The following KLF15 variants were observed in gnomAD, a reference collection of about 807,000 sequenced individuals.
KLF15 encodes Krueppel-like factor 15.
Under a neutral mutation model 24.6 loss-of-function variants are expected in KLF15, and 4 were observed. That is an observed-to-expected ratio of 0.16 (90% CI 0.08 to 0.37). The LOEUF is 0.37. KLF15 is among the 10% of genes least tolerant of loss of function. The pLI, the probability that KLF15 is intolerant of heterozygous loss-of-function variation, is 1.00. For missense variants in KLF15, 496 were observed against 560.6 expected, an observed-to-expected ratio of 0.88 and a Z score of 1.16; for synonymous variants, 246 against 236.3, an observed-to-expected ratio of 1.04 and a Z score of -0.37.
the KLF15 span, among the ~76,000 whole-genome samples, chr3:126,296,933 C>CT: frequency 2.0e-5 from 3 of 152,178 alleles, no homozygotes; most frequent in Admixed American, 2.0e-4. Flanking sequence ...TAGTAACTTT[C>CT]TTTTTTTCGT....
downstream of KLF15, among the ~76,000 whole-genome samples, chr3:126,341,961 G>T (rs530525614): frequency 1.2e-4 from 18 of 152,252 alleles, no homozygotes; most frequent in Admixed American, 3.3e-4. Context: ...TCCCTGTGGG[G>T]CTCATAGCCC....
chr3:126,338,189 G>A (rs949632567), downstream of KLF15, among the ~76,000 whole-genome samples: 65 of 152,184 alleles, frequency 4.3e-4, no homozygotes, highest in African/African-American at 1.5e-3. Context: ...GCTTGGGAAG[G>A]CTGGGAGAGG....
At chr3:126,346,109 C>G (rs1419875396) in intron 2 of KLF15, among the ~76,000 whole-genome samples, 1 of 152,204 alleles carries the variant, frequency 6.6e-6, no homozygotes, top group Non-Finnish European at 1.5e-5. Flanking sequence ...TGTCACAGGG[C>G]CCTGTGCCAG....
the KLF15 span, among the ~76,000 whole-genome samples, chr3:126,291,924 C>A: frequency 6.6e-6 from 1 of 152,238 alleles, no homozygotes; most frequent in Admixed American, 6.5e-5. Flanking sequence ...CCCAGAAGTC[C>A]CCGAGTACCC....
the KLF15 span, among the ~76,000 whole-genome samples, chr3:126,289,472 A>C: frequency 2.0e-5 from 3 of 152,248 alleles, no homozygotes; most frequent in Non-Finnish European, 4.4e-5. Flanking sequence ...TCAATAAGAA[A>C]AGAGTAGGAA....
the KLF15 span, among the ~76,000 whole-genome samples, chr3:126,302,956 CCTGT>C: frequency 6.6e-5 from 10 of 152,064 alleles, no homozygotes; most frequent in South Asian, 2.1e-4. Flanking sequence ...CTCTATTTGT[CCTGT>C]CTATTTATTT....
the KLF15 span, among the ~76,000 whole-genome samples, chr3:126,308,744 C>G: frequency 1.3e-5 from 2 of 152,174 alleles, no homozygotes; most frequent in Non-Finnish European, 2.9e-5. Context: ...AGCTCTGGGA[C>G]CATTTCCCCA....
chr3:126,352,227 C>A lies in KLF15; in HGVS notation c.696G>T (p.Ser232=). 2 of 1,536,332 alleles carry A rather than the reference C, an allele frequency of 1.3e-6. No individual in the cohort carries two copies. The highest frequency in any genetic ancestry group is 1.7e-6 in the Non-Finnish European group (2 of 1,144,452). The change falls in exon 2 of 3, where the codon TCG becomes TCT. Residue 232 remains serine (S), a synonymous_variant. Coordinates refer to ENST00000296233, the MANE Select transcript of KLF15 (RefSeq NM_014079.4). ...GCCCAGGGGAGGCAGGCCCTGTGCCCGATTCCTGCTTCACAGGCACGGGCT... is the reference window on the plus strand; with the variant it reads ...GCCCAGGGGAGGCAGGCCCTGTGCCAGATTCCTGCTTCACAGGCACGGGCT... The part of the protein sequence containing the change: ...QIQPVPVKQE[S]GTGPASPGQA...
rs1002708248 is a variant in KLF15, at chr3:126,356,986, G to A, written c.-26+251C>T. The stretch of plus-strand genomic sequence containing the variant: ...CCACGGAATCGCCCGGCCAGGCACC[G>A]AGGCGGCGGCGCGGGCCTCAGCAAA... On this transcript the variant is annotated intron_variant, in intron 1 of 2. Coordinates refer to ENST00000296233, the MANE Select transcript of KLF15 (RefSeq NM_014079.4). This position sits in a 1 kb window ranked among gnomAD's most constrained non-coding sequence, Gnocchi z 4.4. Among the ~76,000 whole-genome samples, 5 of 151,876 alleles carry A rather than the reference G, an allele frequency of 3.3e-5. No homozygotes were observed. Among genetic ancestry groups the A allele is most frequent in the Admixed American group, 6.5e-5 (1 of 15,280 alleles).
chr3:126,347,202 C>T lies in KLF15; in HGVS notation c.1083-3307G>A, dbSNP rs144693936. Among the ~76,000 whole-genome samples, 166 of 152,296 alleles carry T rather than the reference C, an allele frequency of 1.1e-3. 1 individual carries two copies. Among genetic ancestry groups the T allele is most frequent in the African/African-American group, 3.8e-3 (157 of 41,546 alleles). ...GCACTTCTGTATGAAGGCGTCCCTT[C>T]CTTGAGACACTAACCCTCATCCGCC... is the stretch of plus-strand genomic sequence containing the variant. On this transcript the variant is annotated intron_variant, in intron 2 of 2. Transcript: ENST00000296233.
chr3:126,342,344 C>T (rs917374806), downstream of KLF15, among the ~76,000 whole-genome samples: 1 of 152,150 alleles, frequency 6.6e-6, no homozygotes, highest in Non-Finnish European at 1.5e-5. Flanking sequence ...GCAGGACTGG[C>T]CAGGCCTGAG....
intron 1 of KLF15, among the ~76,000 whole-genome samples, chr3:126,353,395 G>C (rs1376335440): frequency 6.6e-6 from 1 of 152,130 alleles, no homozygotes; most frequent in Non-Finnish European, 1.5e-5. Context: ...CACAGAATGG[G>C]GGTAGAACAG....
the KLF15 span, among the ~76,000 whole-genome samples, chr3:126,331,861 G>T: frequency 6.6e-6 from 1 of 152,198 alleles, no homozygotes; most frequent in Admixed American, 6.5e-5. Context: ...GGTGACGGAT[G>T]CACCTGGAAA....
chr3:126,309,713 G>A, the KLF15 span, among the ~76,000 whole-genome samples: 1 of 152,150 alleles, frequency 6.6e-6, no homozygotes, highest in South Asian at 2.1e-4. Context: ...GCTGGTTCTG[G>A]GACTAGGCAG....
At chr3:126,328,774 T>G in the KLF15 span, among the ~76,000 whole-genome samples, 2,553 of 152,304 alleles carry the variant, frequency 0.017, 65 homozygotes, top group African/African-American at 0.058. Context: ...GGATATATTG[T>G]TTTTTTATTT....
chr3:126,321,183 C>A, the KLF15 span, among the ~76,000 whole-genome samples: 1 of 152,188 alleles, frequency 6.6e-6, no homozygotes, highest in South Asian at 2.1e-4. Context: ...CTGCAGAGTG[C>A]TCTCAACCCT....
At chr3:126,309,662 C>T in the KLF15 span, among the ~76,000 whole-genome samples, 7 of 152,246 alleles carry the variant, frequency 4.6e-5, no homozygotes, top group African/African-American at 1.7e-4. Flanking sequence ...GTGTCTAACA[C>T]CGTTCCCCAA....
rs1220263638 is a variant in KLF15 at position 126,352,535 on chromosome 3, G to T, written c.388C>A (p.Pro130Thr). 1 of 1,613,030 alleles carries T rather than the reference G, an allele frequency of 6.2e-7. No individual in the cohort carries two copies. Among genetic ancestry groups the T allele is most frequent in the African/African-American group, 1.3e-5 (1 of 75,058 alleles). ...FCLPEFPLGDPDDVPRPFQPT... is the reference protein window; with the variant it reads ...FCLPEFPLGDTDDVPRPFQPT... ...TGGAAGGGCCGTGGGACGTCATCAG[G>T]ATCACCCAAAGGAAACTCGGGCAAG... Residue 130 changes from proline to threonine, a missense_variant, in exon 2 of 3, where the codon CCT becomes ACT. By Grantham distance (38) the Pro-to-Thr change is conservative. This residue lies in a region of KLF15 where 399 missense variants were observed against 423.1 expected (regional missense o/e 0.94). Transcript: ENST00000296233.
At position 126,357,393 on chromosome 3, in the gene KLF15, G is replaced by T. The variant is rs1369043148; in HGVS notation, c.-182C>A. 5 of 147,082 alleles carry T rather than the reference G, an allele frequency of 3.4e-5. No homozygotes were observed. The highest frequency in any genetic ancestry group is 1.2e-4 in the African/African-American group (5 of 40,856). The allele number at this position is 147,082 out of a possible 1,614,324, so 9.1% of individuals were successfully genotyped here. A position where few individuals can be genotyped will look rare whatever the true frequency, so the allele number is the denominator to read the frequency against. ...TCGATCGCCCGCCGGCCCGCGGGTC[G>T]CTGCGGCGGAGCACTAGCCCGCCCG... is the stretch of plus-strand genomic sequence containing the variant. On this transcript the variant is annotated 5_prime_UTR_variant, in exon 1 of 3. Transcript: ENST00000296233.
Sources: gnomAD v4.1 joint callset for allele counts (sites outside exome capture counted in the v4.1 genomes callset) on GRCh38, gnomAD v4.1.1 for gene constraint, gnomAD v4.1.1 regional missense constraint, Gnocchi (gnomAD v3.1) non-coding constraint, MANE v1.5 for transcripts, NCBI Gene and HGNC (gene_info 2026-07-23, HGNC 2026-07-21) for gene names.